The following MCTP1 variants were observed in gnomAD, a reference collection of about 807,000 sequenced individuals.
The protein encoded by MCTP1 is multiple C2 and transmembrane domain containing 1, also known as multiple C2 and transmembrane domain-containing protein 1.
MCTP1 carries 69 observed loss-of-function variants against 120.6 expected under a neutral mutation model. That is an observed-to-expected ratio of 0.57 (90% CI 0.47 to 0.70). MCTP1 has a LOEUF of 0.70. Among genes scored for constraint, MCTP1 ranks in the 30% least tolerant of loss-of-function variants. MCTP1 has a pLI of 0.00. For synonymous variants in MCTP1, 529 were observed against 493.1 expected, an observed-to-expected ratio of 1.07 and a Z score of -0.96; for missense variants, 1,203 against 1,248.8, an observed-to-expected ratio of 0.96 and a Z score of 0.55.
intron 1 of MCTP1, among the ~76,000 whole-genome samples, chr5:95,208,464 C>T (rs1485580591): frequency 3.0e-4 from 46 of 152,264 alleles, no homozygotes; most frequent in African/African-American, 1.1e-3. Flanking sequence ...CAACACTGTA[C>T]AGAAGTATTT....
intron 1 of MCTP1, among the ~76,000 whole-genome samples, chr5:95,102,624 A>T (rs1417542718): frequency 6.6e-6 from 1 of 152,216 alleles, no homozygotes; most frequent in East Asian, 1.9e-4. Flanking sequence ...ATACAGAGAT[A>T]TCAAAGAACC....
chr5:94,902,675 A>C (rs1224551650), intron 10 of MCTP1, among the ~76,000 whole-genome samples: 1 of 152,192 alleles, frequency 6.6e-6, no homozygotes, highest in Non-Finnish European at 1.5e-5. Flanking sequence ...TTGCATTAAA[A>C]AGATTCAATA....
At chr5:94,834,304 T>A (rs1177191230) in intron 17 of MCTP1, among the ~76,000 whole-genome samples, 1 of 152,106 alleles carries the variant, frequency 6.6e-6, no homozygotes, top group African/African-American at 2.4e-5. Context: ...CCACTTTTGG[T>A]GGGGAAAAAA....
At chr5:94,712,850 C>T (rs1340294818) in intron 20 of MCTP1, among the ~76,000 whole-genome samples, 2 of 151,966 alleles carry the variant, frequency 1.3e-5, no homozygotes, top group African/African-American at 4.8e-5. Flanking sequence ...CACGACTCCA[C>T]GTGTGAGGGC....
At chr5:94,998,429 T>G (rs2153630885) in intron 2 of MCTP1, among the ~76,000 whole-genome samples, 1 of 152,262 alleles carries the variant, frequency 6.6e-6, no homozygotes, top group Non-Finnish European at 1.5e-5. Context: ...TGCCATAAGG[T>G]TTTCTTCCTG....
intron 19 of MCTP1, among the ~76,000 whole-genome samples, chr5:94,719,520 A>G (rs190512949): frequency 2.0e-5 from 3 of 152,228 alleles, no homozygotes; most frequent in African/African-American, 7.2e-5. Flanking sequence ...CTTTGCAGGT[A>G]CATGGATGGA....
chr5:94,987,931 A>G (rs1431346876), intron 2 of MCTP1, among the ~76,000 whole-genome samples: 3 of 152,164 alleles, frequency 2.0e-5, no homozygotes, highest in African/African-American at 7.2e-5. Context: ...TTTCACATGT[A>G]ATTACATCTC....
At chr5:95,043,223 G>T (rs954757744) in intron 1 of MCTP1, among the ~76,000 whole-genome samples, 4 of 152,130 alleles carry the variant, frequency 2.6e-5, no homozygotes, top group African/African-American at 9.7e-5. Context: ...ATCTAAACAA[G>T]AAATTTTATT....
chr5:95,079,793 T>C (rs1754460934), intron 1 of MCTP1, among the ~76,000 whole-genome samples: 1 of 152,178 alleles, frequency 6.6e-6, no homozygotes, highest in South Asian at 2.1e-4. Flanking sequence ...ATAACTTTTA[T>C]TAATATCACC....
At chr5:94,737,300 C>G (rs1764505047) in intron 19 of MCTP1, among the ~76,000 whole-genome samples, 1 of 152,190 alleles carries the variant, frequency 6.6e-6, no homozygotes, top group Non-Finnish European at 1.5e-5. Context: ...AGCAGAAACA[C>G]TGCCAGATAA....
chr5:95,076,953 C>A (rs762465823), intron 1 of MCTP1, among the ~76,000 whole-genome samples: 12 of 152,070 alleles, frequency 7.9e-5, no homozygotes, highest in Non-Finnish European at 1.6e-4. Flanking sequence ...GTATTCCCTC[C>A]CCGCCTTGTA....
At chr5:95,175,452 C>A (rs1006494648) in intron 1 of MCTP1, among the ~76,000 whole-genome samples, 1 of 152,168 alleles carries the variant, frequency 6.6e-6, no homozygotes, top group African/African-American at 2.4e-5. Context: ...GTACCCTTTC[C>A]CTCTATTCCT....
chr5:94,867,049 G>A (rs1184929365), intron 17 of MCTP1: 1 of 331,148 alleles, frequency 3.0e-6, no homozygotes, highest in East Asian at 5.9e-5. Flanking sequence ...AAACCTGGAA[G>A]TAATAGTCTA....
intron 3 of MCTP1, among the ~76,000 whole-genome samples, chr5:94,947,442 A>G (rs1405929512): frequency 6.6e-5 from 10 of 151,150 alleles, no homozygotes; most frequent in Admixed American, 3.3e-4. Context: ...AATTTCTATG[A>G]TTGAATTAGT....
intron 1 of MCTP1, among the ~76,000 whole-genome samples, chr5:95,174,699 T>C (rs1392148848): frequency 1.3e-5 from 2 of 152,148 alleles, no homozygotes; most frequent in African/African-American, 4.8e-5. Context: ...CTTCATAAGG[T>C]TGCTGTATGG....
chr5:95,178,166 C>A (rs1201123814), intron 1 of MCTP1, among the ~76,000 whole-genome samples: 2 of 152,198 alleles, frequency 1.3e-5, no homozygotes, highest in African/African-American at 4.8e-5. Context: ...GAGAACCACA[C>A]TCCCATCCCC....
At chr5:95,280,429 C>T (rs1312054936) in intron 1 of MCTP1, among the ~76,000 whole-genome samples, 5 of 152,166 alleles carry the variant, frequency 3.3e-5, no homozygotes, top group African/African-American at 7.2e-5. Context: ...AAAAATGCAA[C>T]GTATTCATTC....
At position 95,138,233 on chromosome 5, in the gene MCTP1, A is replaced by ACC. The variant is rs58216046; in HGVS notation, c.721-120751_721-120750dup. ...TTCATAGACTTTCCTGTGAGATGCA[A>ACC]CCCCCCCCCGACATTAAAATAATAT... On this transcript the variant is annotated intron_variant, in intron 1 of 22. Coordinates refer to ENST00000515393, the MANE Select transcript of MCTP1 (RefSeq NM_024717.7). Among the ~76,000 whole-genome samples, 944 of 142,424 alleles carry ACC rather than the reference A, an allele frequency of 6.6e-3. 10 individuals carry two copies. The highest frequency in any genetic ancestry group is 0.022 in the African/African-American group (872 of 38,958). 93.4% of individuals were successfully genotyped at this position (142,424 alleles called of 152,430 possible).
rs377294809 is a variant in MCTP1 at position 94,940,120 on chromosome 5, G to A, written c.1137C>T (p.Val379=). 190 of 1,609,450 alleles carry A rather than the reference G, an allele frequency of 1.2e-4. No homozygotes were observed. The highest frequency in any genetic ancestry group is 3.4e-5 in the Non-Finnish European group (40 of 1,176,872). ...ACTCTCCTTCTTTAGGGGTAAGGAT[G>A]ACTGAGAGCAAAATGATTCCAAGAT... is the stretch of plus-strand genomic sequence containing the variant. ...DHDLGIILLS[V]ILTPKEGESR... Residue 379 remains valine, a synonymous_variant, in exon 5 of 23, where the codon GTC becomes GTT. Transcript: ENST00000515393.
Sources: allele counts gnomAD v4.1 joint callset (sites outside exome capture counted in the v4.1 genomes callset), GRCh38; gene constraint gnomAD v4.1.1; transcripts MANE v1.5; gene names NCBI Gene and HGNC (gene_info 2026-07-23, HGNC 2026-07-21).